The following MAGI2 variants were observed in gnomAD, a reference collection of about 807,000 sequenced individuals.
The protein encoded by MAGI2 is membrane associated guanylate kinase, WW and PDZ domain containing 2.
A neutral mutation model predicts 133.3 loss-of-function variants in MAGI2; 35 were observed. That is an observed-to-expected ratio of 0.26 (90% CI 0.20 to 0.35). The LOEUF is 0.35. Ranked by LOEUF, MAGI2 falls within the 10% of genes least tolerant of loss-of-function variation. MAGI2 has a pLI of 1.00. For synonymous variants in MAGI2, 729 were observed against 710.6 expected, an observed-to-expected ratio of 1.03 and a Z score of -0.41; for missense variants, 1,636 against 1,863.4, an observed-to-expected ratio of 0.88 and a Z score of 2.25.
chr7:79,178,795 A>G (rs1298595095), intron 1 of MAGI2, among the ~76,000 whole-genome samples: 3 of 151,926 alleles, frequency 2.0e-5, no homozygotes, highest in Non-Finnish European at 2.9e-5. Flanking sequence ...TAAACTTTAT[A>G]TCTAAAAGCA....
chr7:79,391,526 T>G (rs1248331672), intron 1 of MAGI2, among the ~76,000 whole-genome samples: 2 of 107,546 alleles, frequency 1.9e-5, no homozygotes, highest in East Asian at 3.2e-4. Context: ...TATATATATA[T>G]ATATATATAT....
chr7:79,301,017 G>T (rs1837357328), intron 1 of MAGI2, among the ~76,000 whole-genome samples: 1 of 152,234 alleles, frequency 6.6e-6, no homozygotes. Context: ...AAGACTTGAG[G>T]CTTGGGAGCC....
At chr7:78,160,323 A>G (rs895641260) in intron 15 of MAGI2, 50 bp from the exon 16 acceptor site, 33 of 1,516,560 alleles carry the variant, frequency 2.2e-5, no homozygotes, top group East Asian at 9.2e-5. Flanking sequence ...AAGGGTCTCA[A>G]TGAATGCTTC....
intron 1 of MAGI2, among the ~76,000 whole-genome samples, chr7:79,340,081 C>T (rs1162260367): frequency 6.6e-6 from 1 of 151,978 alleles, no homozygotes. Flanking sequence ...TTAACATTTT[C>T]CCCCTCAAAT....
At position 78,392,688 on chromosome 7, in the gene MAGI2, G is replaced by C. The variant is rs921821811; in HGVS notation, c.1046-23475C>G. On this transcript the variant is annotated intron_variant, in intron 6 of 21. Coordinates refer to ENST00000354212, the MANE Select transcript of MAGI2 (RefSeq NM_012301.4). Reference sequence around the variant, plus strand: ...ATATTTATTTCGCTCCTGTTGCTTAGGCTAGAGTACAACGGCGCAATCTTG... The same window carrying C: ...ATATTTATTTCGCTCCTGTTGCTTACGCTAGAGTACAACGGCGCAATCTTG... Among the ~76,000 whole-genome samples the C allele has an allele frequency of 2.7e-4, 41 of 152,162 alleles. 1 individual carries two copies. Among genetic ancestry groups the C allele is most frequent in the Non-Finnish European group, 4.9e-4 (33 of 68,004 alleles).
chr7:78,260,964 C>T (rs1375813120), intron 9 of MAGI2, among the ~76,000 whole-genome samples: 3 of 152,072 alleles, frequency 2.0e-5, no homozygotes, highest in African/African-American at 7.2e-5. Flanking sequence ...TAAAGCATTG[C>T]TTTAATTAGA....
intron 1 of MAGI2, among the ~76,000 whole-genome samples, chr7:79,359,669 A>AC (rs71095398): frequency 7.1e-6 from 1 of 140,030 alleles, no homozygotes; most frequent in East Asian, 2.2e-4. Flanking sequence ...TCAAGTGGGA[A>AC]ACACACACAC....
intron 3 of MAGI2, among the ~76,000 whole-genome samples, chr7:78,527,510 T>A (rs945864454): frequency 2.0e-5 from 3 of 152,242 alleles, no homozygotes; most frequent in Admixed American, 6.5e-5. Flanking sequence ...AACTGTTTCC[T>A]TTTTTGTACC....
At chr7:78,199,065 A>T (rs1584360804) in intron 11 of MAGI2, among the ~76,000 whole-genome samples, 1 of 152,194 alleles carries the variant, frequency 6.6e-6, no homozygotes, top group Non-Finnish European at 1.5e-5. Flanking sequence ...CCAAGATATC[A>T]TCAATACTCT....
chr7:78,755,807 G>A (rs1189496436), intron 2 of MAGI2, among the ~76,000 whole-genome samples: 1 of 152,150 alleles, frequency 6.6e-6, no homozygotes, highest in Non-Finnish European at 1.5e-5. Context: ...TTCCCCTATA[G>A]AACACCCCAG....
In MAGI2 at chr7:79,358,646, G is replaced by A. The variant is rs571254038; in HGVS notation, c.301+94374C>T. On this transcript the variant is annotated intron_variant, in intron 1 of 21. Transcript: ENST00000354212. Reference sequence around the variant, plus strand: ...CCTACCCAGACATATCAGGGTAGTAGTTGAGAGTTAGGGGGAAGCACTGGC... The same window carrying A: ...CCTACCCAGACATATCAGGGTAGTAATTGAGAGTTAGGGGGAAGCACTGGC... 2.6e-4 allele frequency among the ~76,000 whole-genome samples: 39 copies of A among 152,238 alleles called. 1 individual carries two copies. The South Asian group carries it at 7.7e-3, about 30-fold the overall frequency.
At chr7:79,253,024 T>C (rs1372082013) in intron 1 of MAGI2, among the ~76,000 whole-genome samples, 2 of 152,156 alleles carry the variant, frequency 1.3e-5, no homozygotes, top group Non-Finnish European at 2.9e-5. Context: ...AATAAATTCA[T>C]AAAATAAAAG....
At chr7:78,487,044 C>T (rs1382994709) in intron 6 of MAGI2, 2 of 493,964 alleles carry the variant, frequency 4.0e-6, no homozygotes, top group African/African-American at 3.9e-5. Context: ...GACCAATACA[C>T]TGAGGCAGGG....
intron 6 of MAGI2, among the ~76,000 whole-genome samples, chr7:78,372,137 T>C: frequency 6.6e-6 from 1 of 152,116 alleles, no homozygotes; most frequent in East Asian, 1.9e-4. Context: ...TATTCTTTTA[T>C]TGACATTTTG....
At chr7:79,441,580 A>G (rs1848498988) in intron 1 of MAGI2, among the ~76,000 whole-genome samples, 1 of 152,130 alleles carries the variant, frequency 6.6e-6, no homozygotes, top group Admixed American at 6.6e-5. Flanking sequence ...TTCAAGCCAG[A>G]CAGACAGTAT....
At chr7:78,672,489 A>C (rs990516136) in intron 2 of MAGI2, among the ~76,000 whole-genome samples, 13 of 152,198 alleles carry the variant, frequency 8.5e-5, no homozygotes, top group African/African-American at 3.1e-4. Context: ...CACAGAAGAT[A>C]AGACAGATGA....
At chr7:78,099,905 T>C (rs940453434) in intron 20 of MAGI2, among the ~76,000 whole-genome samples, 3 of 151,974 alleles carry the variant, frequency 2.0e-5, no homozygotes, top group African/African-American at 7.3e-5. Context: ...TTAAAAGGAG[T>C]GGGAATTCCC....
chr7:79,067,127 T>C (rs1814429379), intron 1 of MAGI2, among the ~76,000 whole-genome samples: 1 of 152,210 alleles, frequency 6.6e-6, no homozygotes, highest in Non-Finnish European at 1.5e-5. Context: ...TAAAGTAGTT[T>C]TATCCAATTC....
intron 1 of MAGI2, among the ~76,000 whole-genome samples, chr7:79,241,729 A>C (rs1445045953): frequency 6.6e-6 from 1 of 152,138 alleles, no homozygotes; most frequent in Non-Finnish European, 1.5e-5. Context: ...AGAAGTCACA[A>C]GATTTGTGAC....
Sources: allele counts gnomAD v4.1 joint callset (sites outside exome capture counted in the v4.1 genomes callset), GRCh38; gene constraint gnomAD v4.1.1; transcripts MANE v1.5; gene names NCBI Gene and HGNC (gene_info 2026-07-23, HGNC 2026-07-21).